Variants in MMP16 observed in about 807,000 individuals in gnomAD.
MMP16 encodes the protein matrix metalloproteinase-16.
In MMP16, 12 loss-of-function variants were observed where a neutral mutation model predicts 67.8. That is an observed-to-expected ratio of 0.18 (90% CI 0.11 to 0.29). MMP16 has a LOEUF of 0.29. Among genes scored for constraint, MMP16 ranks in the 10% least tolerant of loss-of-function variants. The probability of loss-of-function intolerance (pLI) is 1.00; values close to 1 mark genes in which losing one functional copy is unlikely to be tolerated. For missense variants in MMP16, 475 were observed against 765.7 expected (o/e 0.62, Z 4.48); for synonymous variants, 249 against 255.9 (o/e 0.97, Z 0.26).
intron 4 of MMP16, among the ~76,000 whole-genome samples, chr8:88,144,109 C>T (rs541276291): frequency 2.6e-4 from 40 of 151,998 alleles, no homozygotes; most frequent in African/African-American, 8.9e-4. Flanking sequence ...TCACTTTAAA[C>T]AGGGGCTATT....
At chr8:88,049,181 C>T (rs987461556) in intron 8 of MMP16, among the ~76,000 whole-genome samples, 4 of 152,312 alleles carry the variant, frequency 2.6e-5, no homozygotes, top group Non-Finnish European at 4.4e-5. Flanking sequence ...TGGAGAAGCA[C>T]TGAGCTGAAA....
rs1809760921 is a variant in MMP16 at position 88,225,851 on chromosome 8, G to A, written c.133-28545C>T. On this transcript the variant is annotated intron_variant, in intron 1 of 9. Coordinates refer to ENST00000286614, the MANE Select transcript of MMP16 (RefSeq NM_005941.5). ...CAAGTGTTTTGTCTATTTTGTATGGGACACTGTACCTTATTCTTTCCATTT... is the reference window on the plus strand; with the variant it reads ...CAAGTGTTTTGTCTATTTTGTATGGAACACTGTACCTTATTCTTTCCATTT... 2.6e-5 allele frequency among the ~76,000 whole-genome samples: 4 copies of A among 151,984 alleles called. No homozygotes were observed. The South Asian group carries it at 8.3e-4, about 31-fold the overall frequency.
chr8:88,142,544 T>C (rs1373339533), intron 4 of MMP16, among the ~76,000 whole-genome samples: 1 of 152,084 alleles, frequency 6.6e-6, no homozygotes, highest in African/African-American at 2.4e-5. Context: ...ATTTTCTAAC[T>C]TCCAGTTTTA....
At chr8:88,091,039 G>A (rs1808925691) in intron 6 of MMP16, among the ~76,000 whole-genome samples, 1 of 151,546 alleles carries the variant, frequency 6.6e-6, no homozygotes, top group South Asian at 2.1e-4. Context: ...TAATTTGGGG[G>A]CTTAGTGAAC....
At chr8:88,145,475 A>G (rs1808276093) in intron 4 of MMP16, among the ~76,000 whole-genome samples, 2 of 151,978 alleles carry the variant, frequency 1.3e-5, no homozygotes, top group African/African-American at 2.4e-5. Flanking sequence ...ATAGTATGGG[A>G]GATAATATCG....
intron 6 of MMP16, among the ~76,000 whole-genome samples, chr8:88,107,387 CA>C (rs754581486): frequency 3.0e-4 from 45 of 150,902 alleles, no homozygotes; most frequent in Non-Finnish European, 5.4e-4. Context: ...TTAGAATAAT[CA>C]GGGGAAAGTA....
intron 1 of MMP16, among the ~76,000 whole-genome samples, chr8:88,298,831 A>G (rs1243564487): frequency 6.6e-6 from 1 of 152,166 alleles, no homozygotes; most frequent in Non-Finnish European, 1.5e-5. Flanking sequence ...AAACACACAC[A>G]TTACATGGTC....
chr8:88,068,161 T>G (rs955334172), intron 7 of MMP16, among the ~76,000 whole-genome samples: 50 of 152,278 alleles, frequency 3.3e-4, no homozygotes, highest in Admixed American at 2.0e-3. Context: ...CCCTAATGAC[T>G]AATAATGTAA....
chr8:88,314,443 C>A (rs1811346720), intron 1 of MMP16, among the ~76,000 whole-genome samples: 1 of 152,126 alleles, frequency 6.6e-6, no homozygotes, highest in South Asian at 2.1e-4. Context: ...ATGAATTTTA[C>A]CCTGTTGGGT....
At chr8:88,313,270 C>G (rs1011730089) in intron 1 of MMP16, among the ~76,000 whole-genome samples, 1 of 152,254 alleles carries the variant, frequency 6.6e-6, no homozygotes, top group Admixed American at 6.5e-5. Context: ...ATAAATCTTT[C>G]AGCTTTTGTG....
At chr8:88,268,784 T>C (rs563205946) in intron 1 of MMP16, among the ~76,000 whole-genome samples, 3 of 152,122 alleles carry the variant, frequency 2.0e-5, no homozygotes, top group Non-Finnish European at 2.9e-5. Flanking sequence ...CCAATAAGTA[T>C]TCTTTCTCCA....
intron 1 of MMP16, among the ~76,000 whole-genome samples, chr8:88,228,600 T>G (rs905338275): frequency 6.6e-6 from 1 of 152,116 alleles, no homozygotes; most frequent in Non-Finnish European, 1.5e-5. Context: ...AATTTTTACT[T>G]ACATGTATAT....
intron 7 of MMP16, chr8:88,069,431 C>A (rs1439973298): frequency 1.9e-6 from 1 of 531,118 alleles, no homozygotes; most frequent in Non-Finnish European, 3.9e-6. Context: ...GTCTTGAGAG[C>A]ACAGGCACTG....
chr8:88,053,339 T>C (rs1434422032), intron 8 of MMP16, among the ~76,000 whole-genome samples: 2 of 152,208 alleles, frequency 1.3e-5, no homozygotes, highest in African/African-American at 4.8e-5. Context: ...GTGATCTTGA[T>C]TTTGAATGCT....
rs185260713 is a variant in MMP16, at chr8:88,073,029, G to A, written c.1222+1576C>T. Among the ~76,000 whole-genome samples the A allele has an allele frequency of 9.1e-4, 139 of 152,252 alleles. 1 individual carries two copies. Among genetic ancestry groups the A allele is most frequent in the Middle Eastern group, 6.8e-3 (2 of 294 alleles). On this transcript the variant is annotated intron_variant, in intron 7 of 9. Coordinates refer to ENST00000286614, the MANE Select transcript of MMP16 (RefSeq NM_005941.5). ...ACGAATTTATGACTGTGGCAGTTTC[G>A]CCTCAGGCAGTTTTGTCAGAGAGCA...
At chr8:88,068,377 G>A (rs1488392762) in intron 7 of MMP16, among the ~76,000 whole-genome samples, 1 of 152,012 alleles carries the variant, frequency 6.6e-6, no homozygotes, top group Non-Finnish European at 1.5e-5. Flanking sequence ...ACTTAAAAGT[G>A]TCTTTGAAGG....
chr8:88,245,353 A>C (rs752034358), intron 1 of MMP16, among the ~76,000 whole-genome samples: 3 of 152,184 alleles, frequency 2.0e-5, no homozygotes, highest in Admixed American at 6.5e-5. Flanking sequence ...CCATTCCTAA[A>C]ACATCAGACA....
intron 3 of MMP16, among the ~76,000 whole-genome samples, chr8:88,177,454 A>T (rs1172584257): frequency 6.6e-6 from 1 of 152,176 alleles, no homozygotes. Context: ...TGAAGCCAAG[A>T]GAAGGAAAAA....
intron 8 of MMP16, among the ~76,000 whole-genome samples, chr8:88,054,365 G>A (rs907229795): frequency 7.9e-5 from 12 of 152,092 alleles, no homozygotes; most frequent in Admixed American, 5.2e-4. Flanking sequence ...AAATCAGCTG[G>A]TGAATTTAAC....
Sources: allele counts gnomAD v4.1 joint callset (sites outside exome capture counted in the v4.1 genomes callset), GRCh38; gene constraint gnomAD v4.1.1; transcripts MANE v1.5; gene names NCBI Gene and HGNC (gene_info 2026-07-23, HGNC 2026-07-21).